Variants in TENM3 observed in about 807,000 individuals in gnomAD.
TENM3 encodes teneurin-3.
TENM3 carries 63 observed loss-of-function variants against 255.1 expected under a neutral mutation model. The ratio of observed to expected loss-of-function variants is 0.25; its 90% confidence interval spans 0.20 to 0.30. The LOEUF is 0.30. Among genes scored for constraint, TENM3 ranks in the 10% least tolerant of loss-of-function variants. TENM3 has a pLI of 1.00. For synonymous variants in TENM3, 1,306 were observed against 1,322.3 expected (o/e 0.99, Z 0.27); for missense variants, 2,929 against 3,461.1 (o/e 0.85, Z 3.86).
chr4:182,752,790 G>T (rs4496620), intron 20 of TENM3, among the ~76,000 whole-genome samples: 55,425 of 151,856 alleles, frequency 0.36, 10,439 homozygotes, highest in East Asian at 0.59. Context: ...TTACTGTAAG[G>T]GAGCTGGAAT....
chr4:181,649,574 G>A, the TENM3 span, among the ~76,000 whole-genome samples: 6 of 152,158 alleles, frequency 3.9e-5, no homozygotes, highest in Non-Finnish European at 7.4e-5. Flanking sequence ...TGAAGAGTGT[G>A]GGACAGTTGG....
chr4:182,450,883 T>C (rs924276415), intron 3 of TENM3, among the ~76,000 whole-genome samples: 1 of 152,244 alleles, frequency 6.6e-6, no homozygotes, highest in Admixed American at 6.5e-5. Flanking sequence ...AAAAGAGTTG[T>C]ACTTTTAACA....
chr4:182,095,150 T>C, the TENM3 span, among the ~76,000 whole-genome samples: 22 of 152,210 alleles, frequency 1.4e-4, no homozygotes, highest in African/African-American at 4.8e-4. Flanking sequence ...AGAACCACCA[T>C]ATGATCCAGC....
the TENM3 span, among the ~76,000 whole-genome samples, chr4:182,017,974 G>A: frequency 6.6e-6 from 1 of 152,184 alleles, no homozygotes; most frequent in African/African-American, 2.4e-5. Flanking sequence ...TATATGCAAT[G>A]ATAATGCAAA....
rs1407549731 is a variant in TENM3, at chr4:182,800,194, G to A, written c.7943G>A (p.Arg2648His). 6 of 1,572,480 alleles carry A rather than the reference G, an allele frequency of 3.8e-6. No individual in the cohort carries two copies. In the Admixed American group the frequency reaches 7.1e-5, roughly 19 times the overall value. ...GTGCGCGACGGCGAGGAGGGCGCGC[G>A]CCTCTGGACGGAGGGCGAGAAGCGG... ...QRVRDGEEGA[R>H]LWTEGEKRQL... The change falls in exon 28 of 28, where the codon CGC becomes CAC. Residue 2648 changes from arginine (R) to histidine (H), a missense_variant. By Grantham distance (29) the Arg-to-His change is conservative. Around this residue, in one of 6 missense-constraint regions of TENM3, gnomAD observed 476 missense variants for 480.1 expected, o/e 0.99. Transcript: ENST00000511685.
At chr4:181,913,925 G>A in the TENM3 span, among the ~76,000 whole-genome samples, 1 of 152,192 alleles carries the variant, frequency 6.6e-6, no homozygotes, top group African/African-American at 2.4e-5. Context: ...CTTGAGCTTA[G>A]CCAGGAGGCT....
intron 1 of TENM3, among the ~76,000 whole-genome samples, chr4:182,172,538 A>G (rs1752179109): frequency 6.6e-6 from 1 of 152,188 alleles, no homozygotes; most frequent in Non-Finnish European, 1.5e-5. Flanking sequence ...ACAAGATACT[A>G]TTTAAGAAAT....
the TENM3 span, among the ~76,000 whole-genome samples, chr4:182,071,446 TTTC>T: frequency 6.8e-6 from 1 of 147,076 alleles, no homozygotes; most frequent in Non-Finnish European, 1.5e-5. Context: ...TCTTTTTTCT[TTTC>T]TTTTTTTTTT....
At chr4:181,975,846 T>G in the TENM3 span, 1 of 152,190 alleles carries the variant, frequency 6.6e-6, no homozygotes, top group Non-Finnish European at 1.5e-5. Context: ...CATAACAAAG[T>G]ACCACAAACT....
At chr4:182,061,847 C>T in the TENM3 span, among the ~76,000 whole-genome samples, 1 of 151,868 alleles carries the variant, frequency 6.6e-6, no homozygotes, top group Non-Finnish European at 1.5e-5. Context: ...TTTGTAGTTC[C>T]AGATAGTTGG....
intron 11 of TENM3, among the ~76,000 whole-genome samples, chr4:182,684,960 G>A (rs1202084589): frequency 1.3e-5 from 2 of 152,150 alleles, no homozygotes; most frequent in African/African-American, 4.8e-5. Context: ...TGAGAAGCTT[G>A]GGTGACATCT....
At chr4:182,061,130 G>C in the TENM3 span, among the ~76,000 whole-genome samples, 4 of 152,188 alleles carry the variant, frequency 2.6e-5, no homozygotes, top group African/African-American at 9.7e-5. Flanking sequence ...CTTTCAAGGA[G>C]AGCAGGGGGC....
chr4:182,794,247 G>A lies in TENM3; in HGVS notation c.7213+362G>A, dbSNP rs192360165. ...ACAAGTTGTGTAGCTCTGTAAGCAA[G>A]CCATATGTTTTTTGAGTTTCCATTC... On this transcript the variant is annotated intron_variant, in intron 26 of 27. Coordinates refer to ENST00000511685, the MANE Select transcript of TENM3 (RefSeq NM_001080477.4). Among the ~76,000 whole-genome samples the A allele has an allele frequency of 2.5e-3, 377 of 152,224 alleles. 3 individuals carry two copies. Among genetic ancestry groups the A allele is most frequent in the Non-Finnish European group, 2.7e-3 (182 of 68,020 alleles).
chr4:182,141,734 A>C (rs1188201769), upstream of TENM3: 1 of 152,222 alleles, frequency 6.6e-6, no homozygotes, highest in Non-Finnish European at 1.5e-5. Context: ...TAGAGACAGG[A>C]GCCAAGATTT....
At chr4:181,869,908 A>G in the TENM3 span, among the ~76,000 whole-genome samples, 1 of 152,200 alleles carries the variant, frequency 6.6e-6, no homozygotes. Flanking sequence ...TTGCAGAAGT[A>G]GACACATGGA....
chr4:181,764,289 G>A, the TENM3 span, among the ~76,000 whole-genome samples: 1 of 152,136 alleles, frequency 6.6e-6, no homozygotes, highest in African/African-American at 2.4e-5. Flanking sequence ...TGGCAAACAT[G>A]GTAAAAGGAT....
At chr4:182,665,351 G>A (rs1171500826) in intron 6 of TENM3, among the ~76,000 whole-genome samples, 1 of 152,170 alleles carries the variant, frequency 6.6e-6, no homozygotes, top group Non-Finnish European at 1.5e-5. Flanking sequence ...GAAAAAGATT[G>A]CTTTCAAAAT....
intron 3 of TENM3, among the ~76,000 whole-genome samples, chr4:182,388,318 T>C (rs1341035900): frequency 6.6e-6 from 1 of 152,128 alleles, no homozygotes; most frequent in Non-Finnish European, 1.5e-5. Flanking sequence ...TATTATGTTG[T>C]TTTTCTAAAA....
At chr4:181,558,621 G>T in the TENM3 span, among the ~76,000 whole-genome samples, 7 of 152,188 alleles carry the variant, frequency 4.6e-5, no homozygotes, top group Admixed American at 3.9e-4. Flanking sequence ...CCCCTCCAGA[G>T]CATTCCTGGT....
Sources: allele counts gnomAD v4.1 joint callset (sites outside exome capture counted in the v4.1 genomes callset), GRCh38; gene constraint gnomAD v4.1.1; regional missense constraint gnomAD v4.1.1; transcripts MANE v1.5; gene names NCBI Gene and HGNC (gene_info 2026-07-23, HGNC 2026-07-21).